The following KCTD1 variants were observed in gnomAD, a reference collection of about 807,000 sequenced individuals.
The protein encoded by KCTD1 is potassium channel tetramerization domain containing 1, also known as BTB/POZ domain-containing protein KCTD1.
In KCTD1, 24 loss-of-function variants were observed where a neutral mutation model predicts 66.0. The ratio of observed to expected loss-of-function variants is 0.36; its 90% CI spans 0.26 to 0.51. KCTD1 has a LOEUF of 0.51. Among genes scored for constraint, KCTD1 ranks in the 20% least tolerant of loss-of-function variants. The pLI is 0.95. For synonymous variants in KCTD1, 511 were observed against 517.2 expected, an observed-to-expected ratio of 0.99 and a Z score of 0.16; for missense variants, 943 against 1,205.2, an observed-to-expected ratio of 0.78 and a Z score of 3.22.
At chr18:26,611,620 A>G (rs1022839431) in intron 1 of KCTD1, among the ~76,000 whole-genome samples, 1 of 152,140 alleles carries the variant, frequency 6.6e-6, no homozygotes, top group African/African-American at 2.4e-5. Flanking sequence ...CAAAATGTTG[A>G]GATTACAAGG....
In KCTD1 at chr18:26,501,231, G is replaced by C; in HGVS notation, c.1829C>G (p.Ser610Ter). 1 of 1,614,096 alleles carries C rather than the reference G, an allele frequency of 6.2e-7. No individual in the cohort carries two copies. The highest frequency in any genetic ancestry group is 8.5e-7 in the Non-Finnish European group (1 of 1,179,996). ...AGGGGATCTAGTGATCAGAGGTCTT[G>C]ACATATTGGGCCGACTGTCCTACAG... is the stretch of plus-strand genomic sequence containing the variant. ...SPTQDSRPNM[S>*]RPLITRSPAS... is the part of the protein sequence containing the mutation. The change falls in exon 2 of 5, where the codon TCA becomes TGA. Residue 610 changes from serine to a stop codon, truncating the protein, a stop_gained. Transcript: ENST00000580059. LOFTEE classifies it high-confidence loss of function.
At chr18:26,656,723 C>T (rs926458354) in intron 1 of KCTD1, among the ~76,000 whole-genome samples, 7 of 151,366 alleles carry the variant, frequency 4.6e-5, no homozygotes, top group Admixed American at 3.3e-4. Context: ...GCGGCGGGGC[C>T]CCTACCCCCG....
chr18:26,657,076 C>T (rs1348039752), intron 1 of KCTD1, among the ~76,000 whole-genome samples: 3 of 151,516 alleles, frequency 2.0e-5, no homozygotes, highest in African/African-American at 7.3e-5. Context: ...CCCCTGCTGG[C>T]CGCACCCGCT....
intron 1 of KCTD1, among the ~76,000 whole-genome samples, chr18:26,580,554 A>G (rs1351916253): frequency 2.0e-5 from 3 of 152,150 alleles, no homozygotes; most frequent in Admixed American, 2.0e-4. Flanking sequence ...TACTATTGTT[A>G]TCACCTCTGT....
At chr18:26,472,219 G>A (rs60783735) in intron 3 of KCTD1, among the ~76,000 whole-genome samples, 3,453 of 151,956 alleles carry the variant, frequency 0.023, 131 homozygotes, top group African/African-American at 0.079. Context: ...ATTCTGGGTC[G>A]GCATTTGGAA....
chr18:26,455,674 T>G lies in KCTD1; in HGVS notation c.*69A>C. ...CTTGGTTTGCTGTCCCAACTGCACA[T>G]AAATGTCCCTTTTTTGTTTGAGTTA... On this transcript the variant is annotated 3_prime_UTR_variant, in exon 5 of 5. Transcript: ENST00000580059. 5.0e-6 allele frequency: 8 copies of G among 1,604,450 alleles called. No individual in the cohort carries two copies. Among genetic ancestry groups the G allele is most frequent in the Non-Finnish European group, 6.8e-6 (8 of 1,174,292 alleles).
At chr18:26,604,701 C>T (rs921408918) in intron 1 of KCTD1, among the ~76,000 whole-genome samples, 5 of 151,598 alleles carry the variant, frequency 3.3e-5, no homozygotes, top group African/African-American at 1.2e-4. Context: ...AACTCATGAA[C>T]ACAAAGAAAG....
chr18:26,656,488 G>T (rs1055839018), intron 1 of KCTD1, among the ~76,000 whole-genome samples: 1 of 152,020 alleles, frequency 6.6e-6, no homozygotes, highest in Non-Finnish European at 1.5e-5. Context: ...AGTGGGAGGG[G>T]GCTTTAAAGG....
At chr18:26,555,364 G>GAA (rs1985682523) in intron 1 of KCTD1, among the ~76,000 whole-genome samples, 1 of 152,156 alleles carries the variant, frequency 6.6e-6, no homozygotes, top group African/African-American at 2.4e-5. Context: ...GGCGAAGGTT[G>GAA]CAATGAGCCG....
intron 1 of KCTD1, among the ~76,000 whole-genome samples, chr18:26,649,701 G>A (rs1192421993): frequency 6.6e-6 from 1 of 152,062 alleles, no homozygotes; most frequent in Non-Finnish European, 1.5e-5. Flanking sequence ...GTAGAGATGG[G>A]GTTTCACCAT....
chr18:26,545,827 G>C (rs1363509133), intron 1 of KCTD1: 1 of 152,104 alleles, frequency 6.6e-6, no homozygotes, highest in Non-Finnish European at 1.5e-5. Context: ...TCTCGACCCA[G>C]AATTTGGCAC....
chr18:26,570,649 T>C (rs995836510), intron 1 of KCTD1, among the ~76,000 whole-genome samples: 1 of 152,104 alleles, frequency 6.6e-6, no homozygotes, highest in African/African-American at 2.4e-5. Flanking sequence ...AGGCTCAAGA[T>C]ATCCTCCCAC....
intron 1 of KCTD1, among the ~76,000 whole-genome samples, chr18:26,635,781 CAGA>C (rs1987710955): frequency 6.6e-6 from 1 of 152,194 alleles, no homozygotes; most frequent in African/African-American, 2.4e-5. Flanking sequence ...TTGGTGAGAT[CAGA>C]AGGACTGTGA....
upstream of KCTD1, chr18:26,548,693 G>A (rs1435790146): frequency 1.0e-6 from 1 of 996,832 alleles, no homozygotes; most frequent in African/African-American, 1.7e-5. Flanking sequence ...CGCAGCTCCG[G>A]AGGGGCAGCG....
At chr18:26,515,266 A>G (rs1018590866) in intron 1 of KCTD1, among the ~76,000 whole-genome samples, 1 of 152,228 alleles carries the variant, frequency 6.6e-6, no homozygotes, top group Admixed American at 6.5e-5. Flanking sequence ...ACGAACAATC[A>G]TGACCCTTGT....
At chr18:26,473,525 A>G (rs1007197159) in intron 3 of KCTD1, among the ~76,000 whole-genome samples, 6 of 151,864 alleles carry the variant, frequency 4.0e-5, no homozygotes, top group African/African-American at 1.2e-4. Context: ...CTATGTAACA[A>G]ACCTGCACAT....
intron 1 of KCTD1, among the ~76,000 whole-genome samples, chr18:26,524,304 C>T (rs1984054799): frequency 1.3e-5 from 2 of 152,148 alleles, no homozygotes; most frequent in African/African-American, 2.4e-5. Flanking sequence ...TCACAGGCTC[C>T]ATCACTATCC....
Position 26,594,591 on chromosome 18 carries a change from C to T in KCTD1, c.-16+34556G>A, listed in dbSNP as rs142883253. Reference sequence around the variant, plus strand: ...CAAATGCGTTGCAATCAGAGAGTATCTGCTCCTTTCAAGCCTGTTACTGGA... The same window carrying T: ...CAAATGCGTTGCAATCAGAGAGTATTTGCTCCTTTCAAGCCTGTTACTGGA... On this transcript the variant is annotated intron_variant, in intron 1 of 4. Transcript: ENST00000317932. 9.3e-3 allele frequency among the ~76,000 whole-genome samples: 1,417 copies of T among 152,290 alleles called. 26 individuals carry two copies. The highest frequency in any genetic ancestry group is 0.033 in the African/African-American group (1,353 of 41,554).
chr18:26,541,781 C>A (rs1166037364), intron 1 of KCTD1, among the ~76,000 whole-genome samples: 2 of 151,750 alleles, frequency 1.3e-5, no homozygotes, highest in Non-Finnish European at 2.9e-5. Flanking sequence ...AACCCATACC[C>A]TTTGCTGTAG....
Sources: gnomAD v4.1 joint callset for allele counts (sites outside exome capture counted in the v4.1 genomes callset) on GRCh38, gnomAD v4.1.1 for gene constraint, MANE v1.5 for transcripts, NCBI Gene and HGNC (gene_info 2026-07-23, HGNC 2026-07-21) for gene names.